Variants in PLEKHM3 observed in about 807,000 individuals in gnomAD.
PLEKHM3 encodes pleckstrin homology domain-containing family M member 3.
A neutral mutation model predicts 81.8 loss-of-function variants in PLEKHM3; 45 were observed. The observed-to-expected ratio is 0.55, with a 90% CI of 0.43 to 0.71. PLEKHM3 has a LOEUF of 0.71. Among genes scored for constraint, PLEKHM3 ranks in the 30% least tolerant of loss-of-function variants. PLEKHM3 has a pLI of 0.00. For missense variants in PLEKHM3, 788 were observed against 924.3 expected, an observed-to-expected ratio of 0.85 and a Z score of 1.91; for synonymous variants, 352 against 356.4, an observed-to-expected ratio of 0.99 and a Z score of 0.14.
chr2:207,880,624 G>A (rs1347759521), intron 6 of PLEKHM3, among the ~76,000 whole-genome samples: 7 of 148,050 alleles, frequency 4.7e-5, no homozygotes, highest in African/African-American at 1.7e-4. Flanking sequence ...TTAGCCGGGC[G>A]TGTTGGCGGG....
intron 1 of PLEKHM3, among the ~76,000 whole-genome samples, chr2:208,002,891 C>T (rs540637765): frequency 4.6e-5 from 7 of 150,988 alleles, no homozygotes; most frequent in Non-Finnish European, 1.0e-4. Context: ...CCAACTGTCA[C>T]ATATACCTTT....
At chr2:207,958,938 A>G (rs1690632807) in intron 3 of PLEKHM3, among the ~76,000 whole-genome samples, 2 of 152,038 alleles carry the variant, frequency 1.3e-5, no homozygotes, top group African/African-American at 4.8e-5. Context: ...TAATAATAAA[A>G]TAAAATAAAC....
At chr2:207,880,797 A>AAAAAAAAAAAAAC (rs2092586850) in intron 6 of PLEKHM3, among the ~76,000 whole-genome samples, 1 of 137,060 alleles carries the variant, frequency 7.3e-6, no homozygotes, top group South Asian at 2.4e-4. Flanking sequence ...AACCAAAAAA[A>AAAAAAAAAAAAAC]CAAACAAACA....
At chr2:207,856,854 TCCAGGTATC>T (rs946173661) in intron 7 of PLEKHM3, among the ~76,000 whole-genome samples, 3 of 152,238 alleles carry the variant, frequency 2.0e-5, no homozygotes, top group Non-Finnish European at 4.4e-5. Context: ...TTTGGGATTT[TCCAGGTATC>T]TTTGTTATTG....
At chr2:207,902,739 T>G (rs1688472979) in intron 6 of PLEKHM3, among the ~76,000 whole-genome samples, 1 of 152,158 alleles carries the variant, frequency 6.6e-6, no homozygotes, top group South Asian at 2.1e-4. Context: ...TTTGCTTTGC[T>G]TTTCAAGGGA....
At chr2:208,012,095 C>T (rs931515204) in intron 1 of PLEKHM3, among the ~76,000 whole-genome samples, 3 of 151,724 alleles carry the variant, frequency 2.0e-5, no homozygotes, top group African/African-American at 7.3e-5. Context: ...AGGCTGGAGT[C>T]CAGTGGCACG....
rs144296763 is a variant in PLEKHM3, at chr2:207,931,394, C to T, written c.1693-275G>A. Reference sequence around the variant, plus strand: ...GTGACAGAACGGCACAGTATGGTGCCGTTATACTGACTTATTATACCAATG... The same window carrying T: ...GTGACAGAACGGCACAGTATGGTGCTGTTATACTGACTTATTATACCAATG... On this transcript the variant is annotated intron_variant, in intron 4 of 7. Transcript: ENST00000427836. Among the ~76,000 whole-genome samples the T allele has an allele frequency of 4.3e-3, 658 of 152,216 alleles. 3 individuals are homozygous for T. Among genetic ancestry groups the T allele is most frequent in the African/African-American group, 0.014 (583 of 41,530 alleles).
chr2:208,018,984 C>CAA (rs756560377), intron 1 of PLEKHM3, among the ~76,000 whole-genome samples: 1 of 136,924 alleles, frequency 7.3e-6, no homozygotes, highest in Non-Finnish European at 1.6e-5. Flanking sequence ...CTGCATCTCA[C>CAA]AAAAAAAAAA....
intron 1 of PLEKHM3, among the ~76,000 whole-genome samples, chr2:208,012,081 G>A (rs191859822): frequency 2.3e-4 from 35 of 151,784 alleles, no homozygotes; most frequent in Admixed American, 2.0e-4. Context: ...TCGCTCTGTC[G>A]CCCAGGCTGG....
chr2:207,837,978 G>T (rs1437423238), intron 7 of PLEKHM3, among the ~76,000 whole-genome samples: 1 of 149,364 alleles, frequency 6.7e-6, no homozygotes, highest in Non-Finnish European at 1.5e-5. Flanking sequence ...CTCCATGTTG[G>T]TCAGACTGGT....
intron 3 of PLEKHM3, among the ~76,000 whole-genome samples, chr2:207,957,470 G>A (rs756217414): frequency 9.2e-5 from 14 of 152,142 alleles, no homozygotes; most frequent in South Asian, 4.1e-4. Context: ...AGGCCGAGGC[G>A]GGTGGATCAT....
intron 5 of PLEKHM3, among the ~76,000 whole-genome samples, chr2:207,910,083 C>T (rs867099505): frequency 2.6e-5 from 4 of 152,164 alleles, no homozygotes; most frequent in Non-Finnish European, 5.9e-5. Flanking sequence ...ACTGTTTCAC[C>T]CACAGGAATG....
chr2:207,992,609 T>C (rs1000143935), intron 2 of PLEKHM3, among the ~76,000 whole-genome samples: 1 of 152,174 alleles, frequency 6.6e-6, no homozygotes, highest in African/African-American at 2.4e-5. Context: ...TACAGTTTTC[T>C]ACAATACAGT....
intron 1 of PLEKHM3, among the ~76,000 whole-genome samples, chr2:208,012,467 G>C (rs1347014207): frequency 6.6e-6 from 1 of 152,132 alleles, no homozygotes; most frequent in Non-Finnish European, 1.5e-5. Flanking sequence ...TGAGTACTTT[G>C]GGCCACCCAA....
intron 3 of PLEKHM3, among the ~76,000 whole-genome samples, chr2:207,954,624 GAATACT>G (rs1292588607): frequency 6.6e-6 from 1 of 152,172 alleles, no homozygotes; most frequent in Non-Finnish European, 1.5e-5. Context: ...ACTCCAATCT[GAATACT>G]AATTGGTTTA....
chr2:207,872,834 CAAA>C (rs2092541893), intron 6 of PLEKHM3, among the ~76,000 whole-genome samples: 2 of 135,978 alleles, frequency 1.5e-5, no homozygotes, highest in African/African-American at 2.5e-5. Context: ...CTCAAACAAA[CAAA>C]CAAACAAACA....
chr2:207,842,969 C>T (rs1348428673), intron 7 of PLEKHM3, among the ~76,000 whole-genome samples: 1 of 152,180 alleles, frequency 6.6e-6, no homozygotes, highest in African/African-American at 2.4e-5. Context: ...TTTATTGAGA[C>T]AGGGTCTCAT....
chr2:207,828,213 GGATA>G lies in PLEKHM3; in HGVS notation c.*102_*105del. 9.4e-7 allele frequency: 1 copy of G among 1,067,666 alleles called. No individual in the cohort carries two copies. The highest frequency in any genetic ancestry group is 1.4e-6 in the Non-Finnish European group (1 of 732,004). The allele number at this position is 1,067,666 out of a possible 1,614,324, so 66.1% of individuals were successfully genotyped here. On this transcript the variant is annotated 3_prime_UTR_variant, in exon 8 of 8. Transcript: ENST00000427836. The stretch of plus-strand genomic sequence containing the variant: ...ATATATATCTATATCTAGTTGAAGA[GGATA>G]CATACTCTTCTTCCAAAGGGGTCTA...
intron 6 of PLEKHM3, among the ~76,000 whole-genome samples, chr2:207,890,683 G>A (rs973215184): frequency 2.6e-5 from 4 of 152,066 alleles, no homozygotes; most frequent in Admixed American, 2.6e-4. Context: ...CAATAGAAAA[G>A]GCCATCATTT....
Sources: allele counts gnomAD v4.1 joint callset (sites outside exome capture counted in the v4.1 genomes callset), GRCh38; gene constraint gnomAD v4.1.1; transcripts MANE v1.5; gene names NCBI Gene and HGNC (gene_info 2026-07-23, HGNC 2026-07-21).